The following CDH11 variants were observed in gnomAD, a reference collection of about 807,000 sequenced individuals.
The protein encoded by CDH11 is cadherin 11.
CDH11 carries 11 observed loss-of-function variants against 67.8 expected under a neutral mutation model. The observed-to-expected ratio is 0.16, with a 90% confidence interval of 0.10 to 0.27. CDH11 has a LOEUF of 0.27. Among genes scored for constraint, CDH11 ranks in the 10% least tolerant of loss-of-function variants. The pLI is 1.00. For missense variants in CDH11, 847 were observed against 1,031.2 expected, an observed-to-expected ratio of 0.82 and a Z score of 2.45; for synonymous variants, 419 against 400.0, an observed-to-expected ratio of 1.05 and a Z score of -0.57.
intron 1 of CDH11, among the ~76,000 whole-genome samples, chr16:65,093,478 A>G (rs1018981707): frequency 6.6e-6 from 1 of 152,048 alleles, no homozygotes; most frequent in Non-Finnish European, 1.5e-5. Context: ...TGGTTCTAGA[A>G]CAATCAGCAG....
rs1874456 is a variant in CDH11 at position 64,958,473 on chromosome 16, C to T, written c.1643-7455G>A. Among the ~76,000 whole-genome samples, 693 of 152,278 alleles carry T rather than the reference C, an allele frequency of 4.6e-3. 4 individuals are homozygous for T. The highest frequency in any genetic ancestry group is 0.016 in the African/African-American group (657 of 41,546). Reference sequence around the variant, plus strand: ...ATTGAACTGCTAATATGGGCAAACGCTGTTGTTTGTTACTTTTACATACAT... The same window carrying T: ...ATTGAACTGCTAATATGGGCAAACGTTGTTGTTTGTTACTTTTACATACAT... On this transcript the variant is annotated intron_variant, in intron 11 of 12. Coordinates refer to ENST00000268603, the MANE Select transcript of CDH11 (RefSeq NM_001797.4).
chr16:65,067,530 C>T (rs1183176586), intron 1 of CDH11, among the ~76,000 whole-genome samples: 3 of 152,168 alleles, frequency 2.0e-5, no homozygotes, highest in African/African-American at 7.2e-5. Context: ...TGAAATTGTG[C>T]TCATTGATTT....
Position 65,004,928 on chromosome 16 carries a change from G to T in CDH11, c.-59C>A. The T allele has an allele frequency of 1.4e-6, 2 of 1,454,062 alleles. No homozygotes were observed. The highest frequency in any genetic ancestry group is 1.8e-6 in the Non-Finnish European group (2 of 1,098,370). The allele number at this position is 1,454,062 out of a possible 1,614,324, so 90.1% of individuals were successfully genotyped here. A position where few individuals can be genotyped will look rare whatever the true frequency, so the allele number is the denominator to read the frequency against. The stretch of plus-strand genomic sequence containing the variant: ...CTGTCACCCCTTCCACCAACTGTAC[G>T]GTGGTCTTGCTGAGGGTGGCCTCCC... On this transcript the variant is annotated 5_prime_UTR_variant, in exon 3 of 13. Transcript: ENST00000268603.
chr16:64,956,943 T>G (rs1447828151), intron 11 of CDH11, among the ~76,000 whole-genome samples: 2 of 152,024 alleles, frequency 1.3e-5, no homozygotes. Flanking sequence ...ATAGATAGAC[T>G]GCACTTGGTG....
intron 2 of CDH11, among the ~76,000 whole-genome samples, chr16:65,008,307 G>A (rs2073105527): frequency 6.6e-6 from 1 of 151,958 alleles, no homozygotes; most frequent in South Asian, 2.1e-4. Context: ...TTCTTCTTTT[G>A]GAAAGAATAC....
Position 64,944,559 on chromosome 16 carries a change from A to ACTTTAT in CDH11, c.*3043_*3044insATAAAG, listed in dbSNP as rs2071162410. The ACTTTAT allele has an allele frequency of 4.3e-6, 1 of 232,496 alleles. No individual in the cohort carries two copies. The allele number at this position is 232,496 out of a possible 1,614,324, so 14.4% of individuals were successfully genotyped here. A position where few individuals can be genotyped will look rare whatever the true frequency, so the allele number is the denominator to read the frequency against. ...CATTGTCTTATAAAGTTTCTCAAAA[A>ACTTTAT]GATGTGAAGGATATGTCACAATGAC... is the stretch of plus-strand genomic sequence containing the variant. On this transcript the variant is annotated 3_prime_UTR_variant, in exon 13 of 13. Transcript: ENST00000268603.
chr16:65,060,181 C>A (rs553714807), intron 1 of CDH11, among the ~76,000 whole-genome samples: 2 of 152,184 alleles, frequency 1.3e-5, no homozygotes, highest in African/African-American at 4.8e-5. Context: ...CCAAGATAAC[C>A]AAGCTAATTA....
intron 2 of CDH11, among the ~76,000 whole-genome samples, chr16:65,053,434 T>C (rs2074091324): frequency 6.6e-6 from 1 of 152,192 alleles, no homozygotes; most frequent in Admixed American, 6.5e-5. Flanking sequence ...TAAGCTACCT[T>C]GTTCCCATTT....
intron 1 of CDH11, among the ~76,000 whole-genome samples, chr16:65,081,134 C>T (rs2074602406): frequency 6.6e-6 from 1 of 152,004 alleles, no homozygotes; most frequent in Non-Finnish European, 1.5e-5. Context: ...AAATTCTATA[C>T]CTCAATATTT....
chr16:65,013,941 T>C (rs957374453), intron 2 of CDH11, among the ~76,000 whole-genome samples: 2 of 152,186 alleles, frequency 1.3e-5, no homozygotes, highest in African/African-American at 2.4e-5. Flanking sequence ...ATGGTAATCA[T>C]TCACAAAATA....
intron 2 of CDH11, among the ~76,000 whole-genome samples, chr16:65,023,447 G>A (rs982170609): frequency 3.9e-5 from 6 of 152,150 alleles, no homozygotes; most frequent in Admixed American, 6.5e-5. Flanking sequence ...GGTTCAGCCC[G>A]GGAAGCCACC....
At chr16:64,973,600 G>A (rs1054663069) in intron 8 of CDH11, among the ~76,000 whole-genome samples, 2 of 152,132 alleles carry the variant, frequency 1.3e-5, no homozygotes, top group African/African-American at 4.8e-5. Context: ...GAGGCCAGGA[G>A]TTCAGGACCA....
intron 2 of CDH11, among the ~76,000 whole-genome samples, chr16:65,051,190 C>T (rs893798148): frequency 6.6e-6 from 1 of 152,106 alleles, no homozygotes; most frequent in Non-Finnish European, 1.5e-5. Context: ...GGTTTATTCC[C>T]TTAACAAACA....
At chr16:65,015,931 C>T (rs1034201467) in intron 2 of CDH11, among the ~76,000 whole-genome samples, 2 of 152,158 alleles carry the variant, frequency 1.3e-5, no homozygotes, top group Admixed American at 6.5e-5. Flanking sequence ...CCATCCTGTG[C>T]CCATAATCCA....
At chr16:64,977,112 T>C (rs2072193815) in intron 8 of CDH11, among the ~76,000 whole-genome samples, 2 of 151,778 alleles carry the variant, frequency 1.3e-5, no homozygotes, top group African/African-American at 2.4e-5. Context: ...TGTGGGAGGT[T>C]CACCTGAGCG....
At chr16:65,062,458 A>G (rs1028959107) in intron 1 of CDH11, among the ~76,000 whole-genome samples, 1 of 152,208 alleles carries the variant, frequency 6.6e-6, no homozygotes. Flanking sequence ...TAAGAAAAGT[A>G]AACTGCATAG....
chr16:65,044,041 G>A (rs1242090209), intron 2 of CDH11, among the ~76,000 whole-genome samples: 1 of 152,148 alleles, frequency 6.6e-6, no homozygotes, highest in African/African-American at 2.4e-5. Context: ...TGCAGAAAAA[G>A]GGAGGAGAGG....
chr16:64,995,700 C>A (rs1403575245), intron 4 of CDH11, among the ~76,000 whole-genome samples: 3 of 152,108 alleles, frequency 2.0e-5, no homozygotes, highest in Non-Finnish European at 2.9e-5. Context: ...GAATTTATGA[C>A]TAGGTCCTCA....
At chr16:65,046,298 C>G (rs1391888322) in intron 2 of CDH11, among the ~76,000 whole-genome samples, 1 of 152,168 alleles carries the variant, frequency 6.6e-6, no homozygotes, top group African/African-American at 2.4e-5. Flanking sequence ...GACCACAGGG[C>G]CCGGAAGGCA....
Sources: allele counts gnomAD v4.1 joint callset (sites outside exome capture counted in the v4.1 genomes callset), GRCh38; gene constraint gnomAD v4.1.1; transcripts MANE v1.5; gene names NCBI Gene and HGNC (gene_info 2026-07-23, HGNC 2026-07-21).